Variants in NALF1 observed in about 807,000 individuals in gnomAD.
NALF1 encodes the protein family with sequence similarity 155 member A.
A neutral mutation model predicts 48.4 loss-of-function variants in NALF1; 3 were observed. The ratio of observed to expected loss-of-function variants is 0.06; its 90% CI spans 0.03 to 0.16. The LOEUF is 0.16. Ranked by LOEUF, NALF1 falls within the 10% of genes least tolerant of loss-of-function variation. The probability of loss-of-function intolerance (pLI) is 1.00; values close to 1 mark genes in which losing one functional copy is unlikely to be tolerated. For missense variants in NALF1, 526 were observed against 571.5 expected, an observed-to-expected ratio of 0.92 and a Z score of 0.81; for synonymous variants, 262 against 245.7, an observed-to-expected ratio of 1.07 and a Z score of -0.62.
At chr13:107,850,429 T>A (rs985087450) in intron 1 of NALF1, among the ~76,000 whole-genome samples, 1 of 152,222 alleles carries the variant, frequency 6.6e-6, no homozygotes, top group African/African-American at 2.4e-5. Context: ...TATACTTGTT[T>A]ATATTGGTTT....
chr13:107,613,607 C>T (rs889110600), intron 1 of NALF1, among the ~76,000 whole-genome samples: 7 of 152,158 alleles, frequency 4.6e-5, no homozygotes, highest in Non-Finnish European at 8.8e-5. Flanking sequence ...ATTTCTGGGC[C>T]CTGACTCCAT....
intron 1 of NALF1, among the ~76,000 whole-genome samples, chr13:107,344,189 A>G (rs1161152567): frequency 6.6e-6 from 1 of 152,174 alleles, no homozygotes; most frequent in African/African-American, 2.4e-5. Context: ...AAATTGAATC[A>G]GTAATCAGAA....
intron 1 of NALF1, among the ~76,000 whole-genome samples, chr13:107,851,563 A>T (rs1880314458): frequency 6.6e-6 from 1 of 152,146 alleles, no homozygotes; most frequent in Non-Finnish European, 1.5e-5. Flanking sequence ...TTTTGTAATT[A>T]TCTGACTTAG....
chr13:107,655,262 C>G (rs1419368076), intron 1 of NALF1, among the ~76,000 whole-genome samples: 1 of 152,012 alleles, frequency 6.6e-6, no homozygotes, highest in South Asian at 2.1e-4. Flanking sequence ...AAAGACTCAT[C>G]CAAAAAGCTC....
chr13:107,273,699 T>C (rs118129394), intron 1 of NALF1, among the ~76,000 whole-genome samples: 2 of 152,350 alleles, frequency 1.3e-5, no homozygotes, highest in East Asian at 3.9e-4. Flanking sequence ...AGGCACATTA[T>C]GTGCTAGACA....
chr13:107,768,961 A>T (rs1477536117), intron 1 of NALF1, among the ~76,000 whole-genome samples: 1 of 152,152 alleles, frequency 6.6e-6, no homozygotes, highest in Non-Finnish European at 1.5e-5. Flanking sequence ...ACTGGCCATC[A>T]GAGAAATGCA....
At chr13:107,676,894 A>C (rs1036720595) in intron 1 of NALF1, among the ~76,000 whole-genome samples, 1 of 152,326 alleles carries the variant, frequency 6.6e-6, no homozygotes, top group Admixed American at 6.5e-5. Context: ...ATAGAATAAT[A>C]AAATACCAAA....
At chr13:107,624,279 G>A (rs1056600186) in intron 1 of NALF1, among the ~76,000 whole-genome samples, 2 of 152,150 alleles carry the variant, frequency 1.3e-5, no homozygotes, top group South Asian at 4.1e-4. Flanking sequence ...TTTACATAAA[G>A]GTTAAGTACA....
chr13:107,342,607 CATAAA>C (rs1882701976), intron 1 of NALF1, among the ~76,000 whole-genome samples: 1 of 152,074 alleles, frequency 6.6e-6, no homozygotes, highest in African/African-American at 2.4e-5. Context: ...ACATCAATAA[CATAAA>C]ATAAGGGTGG....
At chr13:107,467,955 G>A (rs1347486056) in intron 1 of NALF1, among the ~76,000 whole-genome samples, 1 of 151,828 alleles carries the variant, frequency 6.6e-6, no homozygotes, top group Non-Finnish European at 1.5e-5. Context: ...GGCTGAGGCA[G>A]GAGAATGGCG....
At chr13:107,187,356 T>C (rs1879196413) in intron 2 of NALF1, among the ~76,000 whole-genome samples, 1 of 152,206 alleles carries the variant, frequency 6.6e-6, no homozygotes, top group African/African-American at 2.4e-5. Context: ...TGTCTTATTT[T>C]CTTCAAAATG....
chr13:107,653,574 A>G (rs1382127238), intron 1 of NALF1, among the ~76,000 whole-genome samples: 1 of 151,910 alleles, frequency 6.6e-6, no homozygotes, highest in Non-Finnish European at 1.5e-5. Context: ...ATTTCAATGC[A>G]TTTGACCTCT....
intron 1 of NALF1, among the ~76,000 whole-genome samples, chr13:107,830,963 C>T (rs893579839): frequency 7.9e-5 from 12 of 152,122 alleles, no homozygotes; most frequent in African/African-American, 2.2e-4. Flanking sequence ...TAGGATGTTC[C>T]GCAAAGAGCA....
chr13:107,290,180 A>AC (rs1231344519), intron 1 of NALF1, among the ~76,000 whole-genome samples: 1 of 144,202 alleles, frequency 6.9e-6, no homozygotes, highest in East Asian at 2.2e-4. Context: ...CCAGCAAAAA[A>AC]AAAAAACAAA....
Position 107,865,912 on chromosome 13 carries a change from A to T in NALF1, c.685T>A (p.Tyr229Asn). 1 of 1,614,068 alleles carries T rather than the reference A, an allele frequency of 6.2e-7. No homozygotes were observed. ...CCCGAGAACAACTCCCAAAGTGTGTAGGAATTACAAAACGAAAGGTAAAAA... is the reference window on the plus strand; with the variant it reads ...CCCGAGAACAACTCCCAAAGTGTGTTGGAATTACAAAACGAAAGGTAAAAA... Reference protein sequence around the residue: ...SDFYLSFCNSYTLWELFSGLS... With the variant: ...SDFYLSFCNSNTLWELFSGLS... The change falls in exon 1 of 3, where the codon TAC becomes AAC. Residue 229 changes from tyrosine to asparagine, a missense_variant. Transcript: ENST00000375915.
chr13:107,326,891 GAT>G (rs1358302932), intron 1 of NALF1, among the ~76,000 whole-genome samples: 1 of 149,428 alleles, frequency 6.7e-6, no homozygotes, highest in Non-Finnish European at 1.5e-5. Context: ...TTAATTAGAG[GAT>G]TCCCTCACAT....
At chr13:107,179,822 C>T (rs1879025417) in intron 2 of NALF1, among the ~76,000 whole-genome samples, 1 of 150,492 alleles carries the variant, frequency 6.6e-6, no homozygotes. Context: ...ACCACCTATT[C>T]CTGGAGCTTC....
At chr13:107,372,818 C>G (rs1883269998) in intron 1 of NALF1, among the ~76,000 whole-genome samples, 1 of 152,176 alleles carries the variant, frequency 6.6e-6, no homozygotes, top group Admixed American at 6.5e-5. Context: ...CCAAGAAACT[C>G]TTAAGAAAAT....
intron 1 of NALF1, among the ~76,000 whole-genome samples, chr13:107,386,947 C>T (rs1448908620): frequency 6.6e-6 from 1 of 152,072 alleles, no homozygotes; most frequent in East Asian, 1.9e-4. Flanking sequence ...GCATGCCAGA[C>T]TAAAGAATGA....
Sources: allele counts gnomAD v4.1 joint callset (sites outside exome capture counted in the v4.1 genomes callset), GRCh38; gene constraint gnomAD v4.1.1; transcripts MANE v1.5; gene names NCBI Gene and HGNC (gene_info 2026-07-23, HGNC 2026-07-21).